The following PLXNB3 variants were observed in gnomAD, a reference collection of about 807,000 sequenced individuals.
PLXNB3 encodes the protein plexin B3.
In PLXNB3, 80 loss-of-function variants were observed where a neutral mutation model predicts 125.7. That is an observed-to-expected ratio of 0.64 (90% CI 0.53 to 0.77). PLXNB3 has a LOEUF of 0.77. Ranked by LOEUF, PLXNB3 falls within the 30% of genes least tolerant of loss-of-function variation. The pLI, the probability that PLXNB3 is intolerant of heterozygous loss-of-function variation, is 0.00. For synonymous variants in PLXNB3, 954 were observed against 783.3 expected, an observed-to-expected ratio of 1.22 and a Z score of -3.64; for missense variants, 1,836 against 1,729.3, an observed-to-expected ratio of 1.06 and a Z score of -1.09.
intron 35 of PLXNB3, 48 bp downstream of exon 35, chrX:153,778,722 C>T (rs1557065471): frequency 8.8e-7 from 1 of 1,140,149 alleles, no homozygotes; most frequent in Admixed American, 2.5e-5. Context: ...AGCGGGAGGC[C>T]CGTGGACCCT....
rs782816607 is a variant in PLXNB3, at chrX:153,775,663, G to A, written c.4401+3G>A. The A allele has an allele frequency of 7.5e-6, 9 of 1,205,705 alleles. No homozygotes were observed. The highest frequency in any genetic ancestry group is 2.2e-5 in the Admixed American group (1 of 45,931). On this transcript the variant is annotated splice_donor_region_variant and intron_variant, in intron 26 of 35. Transcript: ENST00000361971. Reference sequence around the variant, plus strand: ...TCTGCCTGTACGCCTTCCTGAGGGTGAGGGGCACTGTCCCGCCTGCTCCCA... The same window carrying A: ...TCTGCCTGTACGCCTTCCTGAGGGTAAGGGGCACTGTCCCGCCTGCTCCCA...
intron 21 of PLXNB3, 26 bp downstream of exon 21, chrX:153,774,370 G>A (rs1557063210): frequency 1.1e-5 from 13 of 1,155,305 alleles, no homozygotes; most frequent in Non-Finnish European, 1.5e-5. Flanking sequence ...GGGTGGGCAG[G>A]TGGACCGGGT....
Position 153,770,401 on chromosome X carries a change from C to G in PLXNB3, c.1850C>G (p.Ser617Cys). The G allele has an allele frequency of 8.3e-7, 1 of 1,210,943 alleles. No homozygotes were observed. The highest frequency in any genetic ancestry group is 1.7e-5 in the African/African-American group (1 of 57,994). ...GTGACTGTGGCTGCCACCAACTTCT[C>G]CTTTTATGACTGCAGTGCCGTCCAG... Reference protein sequence around the residue: ...EDVTVAATNFSFYDCSAVQAL... With the variant: ...EDVTVAATNFCFYDCSAVQAL... The change falls in exon 9 of 36, where the codon TCC becomes TGC. Residue 617 changes from serine (S) to cysteine (C), a missense_variant. By Grantham distance (112) the Ser-to-Cys change is moderately radical. Transcript: ENST00000361971.
chrX:153,779,120 G>A lies in PLXNB3; in HGVS notation c.*81G>A, dbSNP rs905846706. 4.2e-6 allele frequency: 3 copies of A among 714,082 alleles called. No homozygotes were observed. The highest frequency in any genetic ancestry group is 3.1e-4 in the Middle Eastern group (1 of 3,219). 58.8% of individuals were successfully genotyped at this position (714,082 alleles called of 1,213,427 possible). On this transcript the variant is annotated 3_prime_UTR_variant, in exon 36 of 36. Coordinates refer to ENST00000361971, the MANE Select transcript of PLXNB3 (RefSeq NM_005393.3). Reference sequence around the variant, plus strand: ...CCCGGAACCGAGCCAGCCACTGAGGGGAGCTGGCAGAGCCTGGGGGCACAG... The same window carrying A: ...CCCGGAACCGAGCCAGCCACTGAGGAGAGCTGGCAGAGCCTGGGGGCACAG...
chrX:153,776,478 C>A lies in PLXNB3; in HGVS notation c.4833+19C>A, dbSNP rs376066405. ...CTACAAGGTGTGAGCAGGGACGGGG[C>A]GAGGCAGGGCGGGGCTGGGGCGGGG... On this transcript the variant is annotated intron_variant, in intron 28 of 35. Transcript: ENST00000361971. 4.1e-6 allele frequency: 2 copies of A among 485,893 alleles called. No homozygotes were observed. The highest frequency in any genetic ancestry group is 5.7e-5 in the South Asian group (2 of 35,105). 40.0% of individuals were successfully genotyped at this position (485,893 alleles called of 1,213,427 possible).
intron 1 of PLXNB3, 85 bp from the exon 2 acceptor site, chrX:153,765,386 C>A: frequency 1.4e-6 from 1 of 728,142 alleles, no homozygotes; most frequent in Non-Finnish European, 2.0e-6. Context: ...GGTCGCTAGG[C>A]CCTGGGCGCC....
intron 6 of PLXNB3, 139 bp from the exon 7 acceptor site, chrX:153,769,668 C>G (rs1160167981): frequency 1.5e-6 from 1 of 664,167 alleles, no homozygotes; most frequent in Non-Finnish European, 2.2e-6. Flanking sequence ...CCCTTTCTCT[C>G]TGGACACAGT....
Position 153,775,676 on chromosome X carries a change from C to T in PLXNB3, c.4401+16C>T, listed in dbSNP as rs782692328. The stretch of plus-strand genomic sequence containing the variant: ...CTTCCTGAGGGTGAGGGGCACTGTC[C>T]CGCCTGCTCCCAGCCCTGAGTGGCA... On this transcript the variant is annotated intron_variant, in intron 26 of 35. Transcript: ENST00000361971. 1 of 1,197,091 alleles carries T rather than the reference C, an allele frequency of 8.4e-7. No homozygotes were observed. The highest frequency in any genetic ancestry group is 3.0e-5 in the East Asian group (1 of 33,783).
chrX:153,766,338 C>A (rs2091857201), intron 2 of PLXNB3: 2 of 1,146,501 alleles, frequency 1.7e-6, no homozygotes, highest in African/African-American at 1.8e-5. Flanking sequence ...GGTTTTCTCT[C>A]CCTGTCTGGT....
chrX:153,777,403 G>A (rs1343238080), intron 30 of PLXNB3, 23 bp downstream of exon 30: 3 of 1,182,300 alleles, frequency 2.5e-6, no homozygotes, highest in African/African-American at 1.8e-5. Flanking sequence ...TGGGTGGCTG[G>A]GCCTGAGAGG....
Position 153,769,239 on chromosome X carries a change from T to C in PLXNB3, c.1473T>C (p.Cys491=), listed in dbSNP as rs781832443. ...GCCTCCAGGCCCAGGACCCGCTGTG[T>C]GGCTGGTGTGTCCTCCAGGGCAGGT... The part of the protein sequence containing the change: ...ASCLQAQDPL[C]GWCVLQGRCT... The change falls in exon 6 of 36, where the codon TGT becomes TGC. Residue 491 remains cysteine, a synonymous_variant. Coordinates refer to ENST00000361971, the MANE Select transcript of PLXNB3 (RefSeq NM_005393.3). 8.5e-7 allele frequency: 1 copy of C among 1,170,431 alleles called. No individual in the cohort carries two copies. Among genetic ancestry groups the C allele is most frequent in the South Asian group, 1.9e-5 (1 of 53,056 alleles).
intron 2 of PLXNB3, 172 bp downstream of exon 2, chrX:153,765,752 T>A (rs2091850567): frequency 1.3e-6 from 1 of 752,481 alleles, no homozygotes; most frequent in African/African-American, 2.3e-5. Context: ...CCTGTGTTCC[T>A]GAGATAAGCG....
In PLXNB3 at chrX:153,771,013, C is replaced by T. The variant is rs144605528; in HGVS notation, c.2185C>T (p.Arg729Trp). ...HCWLELPGEL[R>W]GLPATLEETA... is the part of the protein sequence containing the mutation. ...CTGGCTGGAGCTGCCTGGAGAACTT[C>T]GGGGACTGCCGGCCACCCTGGAGGA... is the stretch of plus-strand genomic sequence containing the variant. Residue 729 changes from arginine to tryptophan, a missense_variant, in exon 12 of 36, where the codon CGG (arginine) becomes TGG (tryptophan). Arg to Trp is a moderately radical substitution (Grantham distance 101). Coordinates refer to ENST00000361971, the MANE Select transcript of PLXNB3 (RefSeq NM_005393.3). The T allele has an allele frequency of 6.5e-5, 79 of 1,209,562 alleles. No individual in the cohort carries two copies. Among genetic ancestry groups the T allele is most frequent in the Non-Finnish European group, 8.7e-5 (78 of 895,250 alleles).
At position 153,773,365 on chromosome X, in the gene PLXNB3, C is replaced by T. The variant is rs781790795; in HGVS notation, c.3042C>T (p.Asn1014=). The T allele has an allele frequency of 2.5e-5, 30 of 1,206,790 alleles. No individual in the cohort carries two copies. The African/African-American group carries it at 4.2e-4, about 17-fold the overall frequency. ...LLASPFRYTA[N]PQLVAAEPSA... is the part of the protein sequence containing the mutation. ...CCAGCCCCTTCCGCTACACCGCCAA[C>T]CCCCAGCTTGTAGCGGCGGAGCCCA... The change falls in exon 18 of 36, where the codon AAC becomes AAT. Residue 1014 remains asparagine (N), a synonymous_variant. Transcript: ENST00000361971.
intron 2 of PLXNB3, 79 bp downstream of exon 2, chrX:153,765,659 G>A: frequency 1.7e-6 from 2 of 1,164,497 alleles, no homozygotes; most frequent in Non-Finnish European, 2.3e-6. Context: ...GCCAGGCCCA[G>A]GACATACAGG....
rs1557065240 is a variant in PLXNB3, at chrX:153,778,328, G to A, written c.5474+3G>A. The A allele has an allele frequency of 1.7e-6, 2 of 1,206,122 alleles. No individual in the cohort carries two copies. The highest frequency in any genetic ancestry group is 2.2e-5 in the Admixed American group (1 of 45,940). On this transcript the variant is annotated splice_donor_region_variant and intron_variant, in intron 33 of 35. Coordinates refer to ENST00000361971, the MANE Select transcript of PLXNB3 (RefSeq NM_005393.3). ...CGCTACAAGCAGATGGTGGAGAGGT[G>A]GGTGTCAGAGGCATCGGGGCTGCGG...
At chrX:153,765,823 C>G in intron 2 of PLXNB3, 2 of 754,631 alleles carry the variant, frequency 2.7e-6, no homozygotes, top group Non-Finnish European at 3.1e-6. Context: ...CACTCCTGGT[C>G]GGCATGTGAC....
rs1446669487 is a variant in PLXNB3 at position 153,778,985 on chromosome X, C to T, written c.5676C>T (p.Ala1892=). Reference sequence around the variant, plus strand: ...CTGTGGGCCAGAAGCTGCAGCTGGCCTGCCGCCTGCAGCAGGTCGCCGCCC... The same window carrying T: ...CTGTGGGCCAGAAGCTGCAGCTGGCTTGCCGCCTGCAGCAGGTCGCCGCCC... ...EDPVGQKLQL[A]CRLQQVAALV... The change falls in exon 36 of 36, where the codon GCC becomes GCT. Residue 1892 remains alanine, a synonymous_variant. Coordinates refer to ENST00000361971, the MANE Select transcript of PLXNB3 (RefSeq NM_005393.3). 2 of 1,198,371 alleles carry T rather than the reference C, an allele frequency of 1.7e-6. No homozygotes were observed. The highest frequency in any genetic ancestry group is 3.5e-5 in the African/African-American group (2 of 57,874).
intron 2 of PLXNB3, 155 bp downstream of exon 2, chrX:153,765,735 C>T (rs897184886): frequency 1.3e-5 from 10 of 753,369 alleles, no homozygotes; most frequent in African/African-American, 2.3e-5. Context: ...TGTCCGTGCT[C>T]TTCCTGCCTG....
Sources: gnomAD v4.1 joint callset for allele counts on GRCh38, gnomAD v4.1.1 for gene constraint, MANE v1.5 for transcripts, NCBI Gene and HGNC (gene_info 2026-07-23, HGNC 2026-07-21) for gene names.